FER: variants seen among roughly 807,000 people sequenced by gnomAD.
FER encodes tyrosine-protein kinase Fer.
Under a neutral mutation model 111.0 loss-of-function variants are expected in FER, and 63 were observed. That is an observed-to-expected ratio of 0.57 (90% CI 0.46 to 0.70). The LOEUF is 0.70. Among genes scored for constraint, FER ranks in the 30% least tolerant of loss-of-function variants. The pLI is 0.00. For synonymous variants in FER, 327 were observed against 313.9 expected (o/e 1.04, Z -0.44); for missense variants, 914 against 954.0 (o/e 0.96, Z 0.55).
At chr5:109,172,869 T>C (rs1442647871) in intron 17 of FER, among the ~76,000 whole-genome samples, 1 of 152,074 alleles carries the variant, frequency 6.6e-6, no homozygotes, top group East Asian at 1.9e-4. Flanking sequence ...TGAGAGAAAT[T>C]TATATCTGAC....
intron 17 of FER, among the ~76,000 whole-genome samples, chr5:109,124,851 TC>T (rs1291706078): frequency 6.6e-6 from 1 of 151,874 alleles, no homozygotes; most frequent in Non-Finnish European, 1.5e-5. Context: ...TCCAGACCAT[TC>T]TGGCTAACAC....
intron 16 of FER, among the ~76,000 whole-genome samples, chr5:109,074,856 C>T (rs942482561): frequency 1.3e-5 from 2 of 152,176 alleles, no homozygotes; most frequent in African/African-American, 4.8e-5. Context: ...TGTTAGTTTG[C>T]TGTGCTAAGT....
chr5:108,907,393 C>A (rs1278763902), intron 10 of FER, among the ~76,000 whole-genome samples: 1 of 151,958 alleles, frequency 6.6e-6, no homozygotes, highest in African/African-American at 2.4e-5. Flanking sequence ...CTCCTGGGTT[C>A]AAGCAATTCT....
chr5:108,845,067 T>TACACACACAC (rs61156019), intron 5 of FER, among the ~76,000 whole-genome samples: 16 of 53,884 alleles, frequency 3.0e-4, no homozygotes, highest in Admixed American at 6.4e-4. Context: ...TATATATATA[T>TACACACACAC]ACACACACAC....
chr5:108,894,859 C>G (rs1748818208), intron 9 of FER, among the ~76,000 whole-genome samples: 1 of 152,010 alleles, frequency 6.6e-6, no homozygotes, highest in South Asian at 2.1e-4. Context: ...GAGAACAGCA[C>G]AGAAAAGACC....
chr5:109,038,444 C>T (rs1770696499), intron 14 of FER, among the ~76,000 whole-genome samples: 1 of 151,808 alleles, frequency 6.6e-6, no homozygotes, highest in Non-Finnish European at 1.5e-5. Context: ...TGACTATTTT[C>T]CCCTATTTTT....
At chr5:108,846,563 A>C (rs1401708379) in intron 5 of FER, among the ~76,000 whole-genome samples, 1 of 151,730 alleles carries the variant, frequency 6.6e-6, no homozygotes, top group South Asian at 2.1e-4. Context: ...ATAGTCCTTT[A>C]TTCACCTTTT....
Position 108,889,885 on chromosome 5 carries a change from A to G in FER, c.1046+6367A>G, listed in dbSNP as rs200754624. 3.9e-4 allele frequency among the ~76,000 whole-genome samples: 59 copies of G among 152,028 alleles called. No homozygotes were observed. The East Asian group carries it at 0.011, about 29-fold the overall frequency. On this transcript the variant is annotated intron_variant, in intron 9 of 19. Coordinates refer to ENST00000281092, the MANE Select transcript of FER (RefSeq NM_005246.4). ...AGCGGTGATACATATTTTTAAATTA[A>G]TTTTTTTATTTTGAGATCATTATGG...
chr5:108,789,973 AT>A (rs1190181854), intron 2 of FER, among the ~76,000 whole-genome samples: 2 of 152,130 alleles, frequency 1.3e-5, no homozygotes, highest in Admixed American at 6.5e-5. Flanking sequence ...CAGAAGTGAT[AT>A]TTTTCCAAGT....
intron 6 of FER, among the ~76,000 whole-genome samples, chr5:108,871,009 G>T (rs749450439): frequency 1.3e-5 from 2 of 152,052 alleles, no homozygotes; most frequent in Non-Finnish European, 2.9e-5. Flanking sequence ...TAAAGAGTCA[G>T]GAGTTGATCA....
chr5:108,855,603 A>AAC (rs1554079465), intron 5 of FER, among the ~76,000 whole-genome samples: 1 of 151,994 alleles, frequency 6.6e-6, no homozygotes, highest in Non-Finnish European at 1.5e-5. Context: ...CGAAAAAAAA[A>AAC]AAAAAAAGAA....
chr5:108,924,784 G>A (rs1753514629), intron 10 of FER: 1 of 1,232,044 alleles, frequency 8.1e-7, no homozygotes, highest in Non-Finnish European at 1.0e-6. Flanking sequence ...AGTCCACAGA[G>A]ATCAGGTAAG....
At chr5:108,984,531 A>G (rs371959816) in intron 13 of FER, among the ~76,000 whole-genome samples, 2 of 151,946 alleles carry the variant, frequency 1.3e-5, no homozygotes, top group South Asian at 2.1e-4. Context: ...TATCCCAAAC[A>G]TGATGTTGGA....
In FER at chr5:109,042,910, A is replaced by C. The variant is rs557906920; in HGVS notation, c.1714-1770A>C. Among the ~76,000 whole-genome samples, 3 of 152,276 alleles carry C rather than the reference A, an allele frequency of 2.0e-5. No individual in the cohort carries two copies. In the East Asian group the frequency reaches 5.8e-4, roughly 29 times the overall value. On this transcript the variant is annotated intron_variant, in intron 14 of 19. Transcript: ENST00000281092. ...TATAGAGGCCAAGAAAGTGATAGTA[A>C]TTGAAGGATGGATATTGAGCAAAGC...
At chr5:109,159,349 T>C (rs1451180831) in intron 17 of FER, among the ~76,000 whole-genome samples, 9 of 152,208 alleles carry the variant, frequency 5.9e-5, no homozygotes, top group Non-Finnish European at 1.0e-4. Flanking sequence ...CTATCACATA[T>C]TTTTGTGTTT....
At chr5:109,023,066 A>G (rs909163340) in intron 13 of FER, among the ~76,000 whole-genome samples, 13 of 152,278 alleles carry the variant, frequency 8.5e-5, no homozygotes, top group Middle Eastern at 3.4e-3. Context: ...GGATGGAAGC[A>G]TGAAATCAGG....
chr5:109,111,700 G>A (rs1268757782), intron 17 of FER, among the ~76,000 whole-genome samples: 2 of 152,030 alleles, frequency 1.3e-5, no homozygotes, highest in Non-Finnish European at 2.9e-5. Context: ...AGGCGAAGAG[G>A]GAGTAAGCAC....
chr5:109,072,135 A>G (rs1353433905), intron 16 of FER, among the ~76,000 whole-genome samples: 3 of 151,710 alleles, frequency 2.0e-5, no homozygotes, highest in African/African-American at 4.8e-5. Flanking sequence ...AACTAACTAG[A>G]TCTTTTAAGA....
chr5:108,866,367 T>C (rs1475085239), intron 5 of FER, among the ~76,000 whole-genome samples: 2 of 151,966 alleles, frequency 1.3e-5, no homozygotes, highest in Non-Finnish European at 2.9e-5. Flanking sequence ...TTCTCACCCA[T>C]AGGTGGGTAT....
Sources: allele counts gnomAD v4.1 joint callset (sites outside exome capture counted in the v4.1 genomes callset), GRCh38; gene constraint gnomAD v4.1.1; transcripts MANE v1.5; gene names NCBI Gene and HGNC (gene_info 2026-07-23, HGNC 2026-07-21).